Variants in SYNE2 observed in about 807,000 individuals in gnomAD.
SYNE2 encodes the protein spectrin repeat containing nuclear envelope protein 2.
Under a neutral mutation model 856.3 loss-of-function variants are expected in SYNE2, and 431 were observed. That is an observed-to-expected ratio of 0.50 (90% CI 0.47 to 0.55). The LOEUF is 0.55. Ranked by LOEUF, SYNE2 falls within the 20% of genes least tolerant of loss-of-function variation. The pLI is 0.00. For missense variants in SYNE2, 8,129 were observed against 8,023.2 expected (o/e 1.01, Z -0.50); for synonymous variants, 2,923 against 2,872.3 (o/e 1.02, Z -0.56).
At position 64,166,734 on chromosome 14, in the gene SYNE2, T is replaced by G. The variant is rs151082477; in HGVS notation, c.16606-499T>G. ...GCCGAGGCAGGTGGATCATCCAAGG[T>G]CAGAGTTTTAGACCAGCTGGCCAAC... On this transcript the variant is annotated intron_variant, in intron 90 of 115. Coordinates refer to ENST00000555002, the MANE Select transcript of SYNE2 (RefSeq NM_182914.3). 1.3e-4 allele frequency: 26 copies of G among 198,356 alleles called. No homozygotes were observed. The East Asian group carries it at 3.6e-3, about 28-fold the overall frequency. 12.3% of individuals were successfully genotyped at this position (198,356 alleles called of 1,614,324 possible). A position where few individuals can be genotyped will look rare whatever the true frequency, so the allele number is the denominator to read the frequency against.
intron 1 of SYNE2, among the ~76,000 whole-genome samples, chr14:63,906,749 C>A (rs943007178): frequency 6.6e-6 from 1 of 152,142 alleles, no homozygotes; most frequent in Non-Finnish European, 1.5e-5. Flanking sequence ...GACTATTTTG[C>A]ATGAAATGCT....
chr14:63,858,839 G>A (rs1243201096), intron 1 of SYNE2, among the ~76,000 whole-genome samples: 1 of 152,108 alleles, frequency 6.6e-6, no homozygotes, highest in African/African-American at 2.4e-5. Context: ...TTTTGATGAA[G>A]TACAATTTGT....
chr14:63,881,095 G>A (rs1038930315), intron 1 of SYNE2, among the ~76,000 whole-genome samples: 1 of 151,548 alleles, frequency 6.6e-6, no homozygotes, highest in Non-Finnish European at 1.5e-5. Context: ...TGATCTGCCC[G>A]CCTCGGCCTC....
chr14:64,038,883 G>A (rs2097125806), intron 45 of SYNE2, among the ~76,000 whole-genome samples: 1 of 110,182 alleles, frequency 9.1e-6, no homozygotes, highest in African/African-American at 2.9e-5. Flanking sequence ...AGAGGGAGAG[G>A]GAGAGCACTG....
intron 30 of SYNE2, among the ~76,000 whole-genome samples, chr14:64,004,634 C>T (rs1289775151): frequency 2.0e-5 from 3 of 152,026 alleles, no homozygotes; most frequent in Admixed American, 2.0e-4. Context: ...CTGGCCTCTT[C>T]CCCCCTTTCT....
intron 115 of SYNE2, 112 bp downstream of exon 115, chr14:64,225,157 C>T: frequency 6.5e-7 from 1 of 1,538,024 alleles, no homozygotes; most frequent in Middle Eastern, 1.7e-4. Flanking sequence ...TTTCTTTTGT[C>T]TGGAAAGGGC....
At chr14:63,957,966 C>G (rs1859363804) in intron 8 of SYNE2, among the ~76,000 whole-genome samples, 2 of 151,850 alleles carry the variant, frequency 1.3e-5, no homozygotes, top group Non-Finnish European at 2.9e-5. Flanking sequence ...CGCTCGAACC[C>G]GGGAGGTGGA....
intron 1 of SYNE2, among the ~76,000 whole-genome samples, chr14:63,813,514 G>T (rs1888698335): frequency 6.6e-6 from 1 of 152,216 alleles, no homozygotes; most frequent in South Asian, 2.1e-4. Flanking sequence ...GCCTGTATTG[G>T]CTGGGCATGG....
chr14:64,225,988 G>A lies in SYNE2; in HGVS notation c.*462G>A, dbSNP rs550900140. The A allele has an allele frequency of 1.2e-4, 32 of 257,938 alleles. No individual in the cohort carries two copies. Among genetic ancestry groups the A allele is most frequent in the Non-Finnish European group, 2.1e-4 (28 of 134,244 alleles). 16.0% of individuals were successfully genotyped at this position (257,938 alleles called of 1,614,324 possible). On this transcript the variant is annotated 3_prime_UTR_variant, in exon 116 of 116. Transcript: ENST00000555002. ...GGAAACAATCAATCATATTTAATACGCTTAGAATCAGTTTTACTCCAATCA... is the reference window on the plus strand; with the variant it reads ...GGAAACAATCAATCATATTTAATACACTTAGAATCAGTTTTACTCCAATCA...
At chr14:63,982,848 C>T in intron 17 of SYNE2, 54 bp downstream of exon 17, 2 of 1,549,726 alleles carry the variant, frequency 1.3e-6, no homozygotes, top group African/African-American at 2.7e-5. Flanking sequence ...ATGTACCACA[C>T]AATTTACTCA....
rs114083368 is a variant in SYNE2 at position 64,220,133 on chromosome 14, T to A, written c.19861-304T>A. 5.8e-3 allele frequency among the ~76,000 whole-genome samples: 886 copies of A among 152,344 alleles called. 8 individuals are homozygous for A. The highest frequency in any genetic ancestry group is 0.02 in the African/African-American group (849 of 41,576). ...CAAATGCAGAATAACCACATATACT[T>A]TATCTGGAAGACCTTTAGTCGGTCC... On this transcript the variant is annotated intron_variant, in intron 110 of 115. Coordinates refer to ENST00000555002, the MANE Select transcript of SYNE2 (RefSeq NM_182914.3).
chr14:64,158,675 T>A lies in SYNE2; in HGVS notation c.15843T>A (p.Ile5281=). The change falls in exon 86 of 116, where the codon ATT becomes ATA. Residue 5281 remains isoleucine (I), a synonymous_variant. Coordinates refer to ENST00000555002, the MANE Select transcript of SYNE2 (RefSeq NM_182914.3). ...SMQSVLQEWK[I]YDQLYDEVNM... Reference sequence around the variant, plus strand: ...AGTCAGTTTTACAGGAGTGGAAGATTTATGATCAACTCTATGATGAAGTGA... The same window carrying A: ...AGTCAGTTTTACAGGAGTGGAAGATATATGATCAACTCTATGATGAAGTGA... The A allele has an allele frequency of 6.2e-7, 1 of 1,614,002 alleles. No homozygotes were observed. The highest frequency in any genetic ancestry group is 8.5e-7 in the Non-Finnish European group (1 of 1,179,902).
chr14:63,843,218 T>C (rs1890127456), intron 1 of SYNE2, among the ~76,000 whole-genome samples: 1 of 151,822 alleles, frequency 6.6e-6, no homozygotes, highest in Non-Finnish European at 1.5e-5. Context: ...TATGCCCGTG[T>C]GTGTGTGTGT....
intron 2 of SYNE2, among the ~76,000 whole-genome samples, chr14:63,927,373 C>A (rs1257187348): frequency 2.6e-5 from 4 of 151,980 alleles, no homozygotes; most frequent in African/African-American, 9.7e-5. Context: ...CAAAGTGAGA[C>A]CCCATCTGAT....
intron 1 of SYNE2, among the ~76,000 whole-genome samples, chr14:63,832,319 A>G (rs1889699886): frequency 6.6e-6 from 1 of 151,674 alleles, no homozygotes; most frequent in Non-Finnish European, 1.5e-5. Flanking sequence ...CATGGGCAAC[A>G]TAGTGGAGAT....
intron 101 of SYNE2, 57 bp from the exon 102 acceptor site, chr14:64,209,369 AGT>A: frequency 6.2e-7 from 1 of 1,613,916 alleles, no homozygotes; most frequent in African/African-American, 1.3e-5. Flanking sequence ...GGATAAAAGA[AGT>A]GCAAAAGCAC....
intron 1 of SYNE2, among the ~76,000 whole-genome samples, chr14:63,880,620 G>A (rs914557516): frequency 2.4e-4 from 36 of 150,246 alleles, no homozygotes; most frequent in East Asian, 1.6e-3. Context: ...TATCAACATC[G>A]GATTCTGTTG....
rs757996897 is a variant in SYNE2, at chr14:64,037,133, CT to C, written c.7221+5792del. Among the ~76,000 whole-genome samples the C allele has an allele frequency of 4.7e-3, 643 of 138,084 alleles. 1 individual carries two copies. Among genetic ancestry groups the C allele is most frequent in the Admixed American group, 5.4e-3 (74 of 13,762 alleles). 90.6% of individuals were successfully genotyped at this position (138,084 alleles called of 152,430 possible). On this transcript the variant is annotated intron_variant, in intron 45 of 115. Transcript: ENST00000555002. ...ATTTTTGACAGAAATACTGTCTCCT[CT>C]TTTTTTTTTTTTTTTAATTGATCAT...
chr14:63,931,561 A>AG (rs1555384285), intron 2 of SYNE2, among the ~76,000 whole-genome samples: 10 of 151,184 alleles, frequency 6.6e-5, no homozygotes, highest in African/African-American at 1.5e-4. Context: ...AAAAAAAAAA[A>AG]AAAGAAAGAA....
Sources: allele counts gnomAD v4.1 joint callset (sites outside exome capture counted in the v4.1 genomes callset), GRCh38; gene constraint gnomAD v4.1.1; transcripts MANE v1.5; gene names NCBI Gene and HGNC (gene_info 2026-07-23, HGNC 2026-07-21).